The following TXNDC15 variants were observed in gnomAD, a reference collection of about 807,000 sequenced individuals.
TXNDC15 encodes thioredoxin domain-containing protein 15.
In TXNDC15, 24 loss-of-function variants were observed where a neutral mutation model predicts 35.0. The observed-to-expected ratio is 0.68, with a 90% CI of 0.50 to 0.96. The LOEUF (loss-of-function observed/expected upper bound fraction) is 0.96, where lower values mean the gene tolerates loss of function less well. TXNDC15 is among the 40% of genes least tolerant of loss of function. The pLI is 0.00. For synonymous variants in TXNDC15, 169 were observed against 174.0 expected, an observed-to-expected ratio of 0.97 and a Z score of 0.23; for missense variants, 385 against 453.3, an observed-to-expected ratio of 0.85 and a Z score of 1.37.
chr5:134,875,188 G>A (rs765605410), intron 1 of TXNDC15: 11 of 456,148 alleles, frequency 2.4e-5, no homozygotes, highest in African/African-American at 6.0e-5. Flanking sequence ...CCAACTTGCC[G>A]GTAGGGAAGG....
chr5:134,893,449 G>A (rs775746252), intron 2 of TXNDC15, 43 bp from the exon 3 acceptor site: 12 of 1,609,322 alleles, frequency 7.5e-6, no homozygotes, highest in Middle Eastern at 1.6e-4. Flanking sequence ...TCAGAAAAAT[G>A]TACTTTTACT....
At position 134,874,384 on chromosome 5, in the gene TXNDC15, C is replaced by G; in HGVS notation, c.-44C>G. 2 of 1,517,098 alleles carry G rather than the reference C, an allele frequency of 1.3e-6. No homozygotes were observed. Among genetic ancestry groups the G allele is most frequent in the Non-Finnish European group, 1.8e-6 (2 of 1,131,552 alleles). The allele number at this position is 1,517,098 out of a possible 1,614,324, so 94.0% of individuals were successfully genotyped here. A position where few individuals can be genotyped will look rare whatever the true frequency, so the allele number is the denominator to read the frequency against. On this transcript the variant is annotated 5_prime_UTR_variant, in exon 1 of 5. Transcript: ENST00000358387. ...CCCCCAGCCTTCCTCCGGCTGGCAGCACGACTCGCGTAGCCGTGCGCCGAT... is the reference window on the plus strand; with the variant it reads ...CCCCCAGCCTTCCTCCGGCTGGCAGGACGACTCGCGTAGCCGTGCGCCGAT...
intron 2 of TXNDC15, among the ~76,000 whole-genome samples, chr5:134,889,767 G>A (rs1422328170): frequency 6.6e-6 from 1 of 152,188 alleles, no homozygotes; most frequent in Non-Finnish European, 1.5e-5. Flanking sequence ...CTGTGATAAA[G>A]CAAATATCGC....
intron 1 of TXNDC15, 71 bp from the exon 2 acceptor site, chr5:134,887,624 G>T: frequency 6.6e-7 from 1 of 1,507,006 alleles, no homozygotes; most frequent in Non-Finnish European, 8.9e-7. Flanking sequence ...GTGTTAGAGG[G>T]GAACTGTAAT....
At chr5:134,896,104 G>T (rs755448869) in intron 3 of TXNDC15, 190 bp from the exon 4 acceptor site, 41 of 506,392 alleles carry the variant, frequency 8.1e-5, no homozygotes, top group Admixed American at 2.4e-4. Context: ...GAAAAGGAGT[G>T]CCCCCCAGCC....
intron 4 of TXNDC15, among the ~76,000 whole-genome samples, chr5:134,897,185 C>T (rs546251010): frequency 1.6e-3 from 241 of 151,550 alleles, no homozygotes; most frequent in Non-Finnish European, 2.9e-3. Flanking sequence ...CCACCCGCCT[C>T]GGCCTCCCAA....
At chr5:134,891,885 A>T (rs966382321) in intron 2 of TXNDC15, among the ~76,000 whole-genome samples, 5 of 152,160 alleles carry the variant, frequency 3.3e-5, no homozygotes, top group Non-Finnish European at 7.3e-5. Flanking sequence ...ACTGTACTCC[A>T]GCCTGGGTGA....
At chr5:134,889,562 A>G (rs533219080) in intron 2 of TXNDC15, among the ~76,000 whole-genome samples, 2 of 152,292 alleles carry the variant, frequency 1.3e-5, no homozygotes, top group African/African-American at 4.8e-5. Context: ...CCTTTGGCCA[A>G]ACATATCGAT....
chr5:134,899,771 A>G lies in TXNDC15; in HGVS notation c.*86A>G. The G allele has an allele frequency of 8.7e-7, 1 of 1,152,942 alleles. No homozygotes were observed. Among genetic ancestry groups the G allele is most frequent in the South Asian group, 1.8e-5 (1 of 55,678 alleles). 71.4% of individuals were successfully genotyped at this position (1,152,942 alleles called of 1,614,324 possible). On this transcript the variant is annotated 3_prime_UTR_variant, in exon 5 of 5. Coordinates refer to ENST00000358387, the MANE Select transcript of TXNDC15 (RefSeq NM_024715.4). Reference sequence around the variant, plus strand: ...ACAGTTTCATACATTTTCTCCAGTGACGTGTTGACTTGAAACTTCAGGCAG... The same window carrying G: ...ACAGTTTCATACATTTTCTCCAGTGGCGTGTTGACTTGAAACTTCAGGCAG...
At position 134,882,857 on chromosome 5, in the gene TXNDC15, G is replaced by A. The variant is rs147544486; in HGVS notation, c.104-4838G>A. On this transcript the variant is annotated intron_variant, in intron 1 of 4. Transcript: ENST00000358387. ...AAGAGGAGGGAGAGGGGGAGGGGGAGAGGGAGAGGGAGAGCTGGACAGGTT... is the reference window on the plus strand; with the variant it reads ...AAGAGGAGGGAGAGGGGGAGGGGGAAAGGGAGAGGGAGAGCTGGACAGGTT... 4.2e-3 allele frequency among the ~76,000 whole-genome samples: 635 copies of A among 152,310 alleles called. 5 individuals carry two copies. The highest frequency in any genetic ancestry group is 0.01 in the Middle Eastern group (3 of 294).
chr5:134,897,627 A>AT (rs1750520761), intron 4 of TXNDC15, among the ~76,000 whole-genome samples: 2 of 152,224 alleles, frequency 1.3e-5, no homozygotes, highest in African/African-American at 4.8e-5. Context: ...TTTAACGCAC[A>AT]TTTTTCACTT....
At chr5:134,884,221 A>G (rs1310618164) in intron 1 of TXNDC15, among the ~76,000 whole-genome samples, 1 of 143,778 alleles carries the variant, frequency 7.0e-6, no homozygotes, top group Non-Finnish European at 1.5e-5. Context: ...CTCAGTTTCA[A>G]AAAAAAAAAA....
intron 1 of TXNDC15, among the ~76,000 whole-genome samples, chr5:134,882,094 C>T (rs1329286858): frequency 7.6e-5 from 11 of 145,212 alleles, no homozygotes; most frequent in Middle Eastern, 4.2e-3. Context: ...TCAGACAGGG[C>T]GGTTGCCAGG....
At chr5:134,873,812 TAGGGTTGCC>T (rs1406855494), upstream of TXNDC15, 14 of 152,228 alleles carry the variant, frequency 9.2e-5, no homozygotes. Context: ...TAGGTAGGGT[TAGGGTTGCC>T]AGATGTCACG....
Position 134,901,229 on chromosome 5 carries a change from A to C in TXNDC15, c.*1544A>C, listed in dbSNP as rs1750594880. The stretch of plus-strand genomic sequence containing the variant: ...GAATGTTTATTTCACAAGGCACCCT[A>C]AATTCTATAGAAATAAAACCTCAGA... On this transcript the variant is annotated 3_prime_UTR_variant, in exon 5 of 5. Coordinates refer to ENST00000358387, the MANE Select transcript of TXNDC15 (RefSeq NM_024715.4). 6.6e-6 allele frequency: 1 copy of C among 152,228 alleles called. No homozygotes were observed. The highest frequency in any genetic ancestry group is 2.1e-4 in the South Asian group (1 of 4,834). 9.4% of individuals were successfully genotyped at this position (152,228 alleles called of 1,614,324 possible).
chr5:134,875,348 C>T (rs866965581), intron 1 of TXNDC15: 1 of 456,230 alleles, frequency 2.2e-6, no homozygotes, highest in East Asian at 7.0e-5. Context: ...TTTCTTTTCC[C>T]TGGGGTGTCC....
intron 1 of TXNDC15, among the ~76,000 whole-genome samples, chr5:134,880,986 CCAAG>C: frequency 6.6e-6 from 1 of 151,696 alleles, no homozygotes; most frequent in Non-Finnish European, 1.5e-5. Flanking sequence ...ATAGTTTTCA[CCAAG>C]TTTGGAAAGT....
intron 1 of TXNDC15, 108 bp from the exon 2 acceptor site, chr5:134,887,587 C>T (rs998661109): frequency 7.2e-6 from 10 of 1,396,202 alleles, no homozygotes; most frequent in South Asian, 1.5e-5. Context: ...GAAAGGAGAC[C>T]TTTTTGTCTC....
At position 134,898,435 on chromosome 5, in the gene TXNDC15, A is replaced by G. The variant is rs573185634; in HGVS notation, c.887-1054A>G. On this transcript the variant is annotated intron_variant, in intron 4 of 4. Transcript: ENST00000358387. ...ATTCCTCTAAAGCCTCACTGTCTCA[A>G]TTGTGAGCATCCCACTCTTCCCAAA... is the stretch of plus-strand genomic sequence containing the variant. Among the ~76,000 whole-genome samples the G allele has an allele frequency of 7.9e-5, 12 of 152,340 alleles. No individual in the cohort carries two copies. In the South Asian group the frequency reaches 1.7e-3, roughly 21 times the overall value.
Sources: gnomAD v4.1 joint callset for allele counts (sites outside exome capture counted in the v4.1 genomes callset) on GRCh38, gnomAD v4.1.1 for gene constraint, MANE v1.5 for transcripts, NCBI Gene and HGNC (gene_info 2026-07-23, HGNC 2026-07-21) for gene names.